Variants in SHANK2 observed in about 807,000 individuals in gnomAD.
SHANK2 encodes the protein SH3 and multiple ankyrin repeat domains 2.
SHANK2 carries 43 observed loss-of-function variants against 133.7 expected under a neutral mutation model. The observed-to-expected ratio is 0.32, with a 90% CI of 0.25 to 0.41. The LOEUF (loss-of-function observed/expected upper bound fraction) is 0.41, where lower values mean the gene tolerates loss of function less well. Among genes scored for constraint, SHANK2 ranks in the 10% least tolerant of loss-of-function variants. The pLI is 1.00. For missense variants in SHANK2, 1,994 were observed against 2,235.8 expected (o/e 0.89, Z 2.18); for synonymous variants, 1,017 against 952.8 (o/e 1.07, Z -1.24).
chr11:70,559,559 C>T (rs902646395), intron 17 of SHANK2, among the ~76,000 whole-genome samples: 6 of 152,186 alleles, frequency 3.9e-5, no homozygotes, highest in East Asian at 1.9e-4. Context: ...TCACACTGGG[C>T]GCTCCATAGC....
chr11:70,848,415 C>T (rs756728151), intron 11 of SHANK2, among the ~76,000 whole-genome samples: 5 of 152,166 alleles, frequency 3.3e-5, no homozygotes, highest in South Asian at 2.1e-4. Flanking sequence ...GTGAGCTCCA[C>T]GGGACCCTGG....
chr11:70,625,693 T>C (rs1554999686), intron 17 of SHANK2, among the ~76,000 whole-genome samples: 1 of 151,304 alleles, frequency 6.6e-6, no homozygotes, highest in African/African-American at 2.4e-5. Context: ...AGCCAGTCCC[T>C]GCACTCTCCT....
At chr11:71,231,608 C>T (rs1954743022) in intron 1 of SHANK2, among the ~76,000 whole-genome samples, 1 of 152,190 alleles carries the variant, frequency 6.6e-6, no homozygotes, top group South Asian at 2.1e-4. Flanking sequence ...TGTTTACGGG[C>T]CAGGTGCAGT....
intron 17 of SHANK2, among the ~76,000 whole-genome samples, chr11:70,599,714 C>T (rs113579865): frequency 0.031 from 4,630 of 147,056 alleles, 79 homozygotes; most frequent in African/African-American, 0.053. Flanking sequence ...ATTGTTTGAA[C>T]CTGGGAGGAA....
chr11:70,615,570 G>C (rs547472387), intron 17 of SHANK2, among the ~76,000 whole-genome samples: 1 of 152,306 alleles, frequency 6.6e-6, no homozygotes, highest in South Asian at 2.1e-4. Context: ...CAAGACTCCG[G>C]TCAGCTTTCC....
rs531648450 is a variant in SHANK2 at position 70,544,089 on chromosome 11, A to C, written c.2062-41158T>G. 2.6e-5 allele frequency among the ~76,000 whole-genome samples: 4 copies of C among 152,282 alleles called. No homozygotes were observed. The East Asian group carries it at 7.7e-4, about 29-fold the overall frequency. On this transcript the variant is annotated intron_variant, in intron 17 of 25. Transcript: ENST00000601538. ...TTAGCAGACACGTTCCCATTTCTTAAGGCAACTTTCCAGAAGTCAGGAAAC... is the reference window on the plus strand; with the variant it reads ...TTAGCAGACACGTTCCCATTTCTTACGGCAACTTTCCAGAAGTCAGGAAAC...
chr11:70,581,548 G>A lies in SHANK2; in HGVS notation c.2061+78280C>T, dbSNP rs183466765. On this transcript the variant is annotated intron_variant, in intron 17 of 25. Coordinates refer to ENST00000601538, the MANE Select transcript of SHANK2 (RefSeq NM_012309.5). Reference sequence around the variant, plus strand: ...TCTACTAAAAATACAAAAATTAACCGGGCGTGGTGGCACGTGCCTGTAATC... The same window carrying A: ...TCTACTAAAAATACAAAAATTAACCAGGCGTGGTGGCACGTGCCTGTAATC... Among the ~76,000 whole-genome samples the A allele has an allele frequency of 2.1e-4, 32 of 152,212 alleles. No individual in the cohort carries two copies. In the East Asian group the frequency reaches 5.0e-3, roughly 24 times the overall value.
chr11:71,241,866 A>C (rs1177688420), intron 1 of SHANK2, among the ~76,000 whole-genome samples: 6 of 152,234 alleles, frequency 3.9e-5, no homozygotes, highest in African/African-American at 1.4e-4. Flanking sequence ...TCTCAAGACC[A>C]GACGGGCCTG....
intron 11 of SHANK2, among the ~76,000 whole-genome samples, chr11:70,871,341 C>A (rs577073569): frequency 1.3e-5 from 2 of 152,302 alleles, no homozygotes; most frequent in South Asian, 4.1e-4. Flanking sequence ...TGCAAGCCAC[C>A]AGCCCCGAAG....
intron 11 of SHANK2, among the ~76,000 whole-genome samples, chr11:70,842,448 A>G: frequency 6.6e-6 from 1 of 152,200 alleles, no homozygotes; most frequent in Non-Finnish European, 1.5e-5. Context: ...CACCTTGGCC[A>G]GGCTGCATAA....
chr11:71,227,567 A>G (rs1450781553), intron 1 of SHANK2, among the ~76,000 whole-genome samples: 2 of 152,164 alleles, frequency 1.3e-5, no homozygotes, highest in Non-Finnish European at 2.9e-5. Context: ...ACATGAAGCA[A>G]AAATGGATAG....
chr11:70,513,554 C>T (rs1373078206), intron 17 of SHANK2, among the ~76,000 whole-genome samples: 2 of 152,182 alleles, frequency 1.3e-5, no homozygotes, highest in African/African-American at 4.8e-5. Flanking sequence ...GGATACAACT[C>T]AAACTTATTT....
chr11:70,900,346 C>T (rs1394621051), intron 10 of SHANK2, among the ~76,000 whole-genome samples: 8 of 150,346 alleles, frequency 5.3e-5, no homozygotes, highest in Admixed American at 2.6e-4. Flanking sequence ...CAGCGAGACT[C>T]GGTGTCAAAA....
At chr11:70,871,477 C>A (rs1364011921) in intron 11 of SHANK2, among the ~76,000 whole-genome samples, 1 of 152,234 alleles carries the variant, frequency 6.6e-6, no homozygotes, top group Non-Finnish European at 1.5e-5. Context: ...GGCACTGAGC[C>A]TCCTTCACGT....
chr11:71,157,273 G>A (rs1386328589), intron 2 of SHANK2, among the ~76,000 whole-genome samples: 1 of 152,132 alleles, frequency 6.6e-6, no homozygotes, highest in Non-Finnish European at 1.5e-5. Flanking sequence ...CAGAAAACAA[G>A]CTACTAATAA....
intron 11 of SHANK2, among the ~76,000 whole-genome samples, chr11:70,825,817 C>G (rs949459085): frequency 3.9e-5 from 6 of 151,978 alleles, no homozygotes; most frequent in African/African-American, 1.5e-4. Context: ...TGTTTTCTGT[C>G]TGAAAATGAT....
chr11:71,188,647 T>C lies in SHANK2; in HGVS notation c.-13+36050A>G, dbSNP rs1555114853. On this transcript the variant is annotated intron_variant, in intron 2 of 25. Transcript: ENST00000601538. The surrounding 1 kb of genome is among the most constrained non-coding windows in gnomAD (Gnocchi z 4.6). ...CTATAACCCAAAGTCAAGATGAAAC[T>C]GAGGTGTGGGCCCAAATGCACCGTG... Among the ~76,000 whole-genome samples, 15 of 152,204 alleles carry C rather than the reference T, an allele frequency of 9.9e-5. No homozygotes were observed.
intron 3 of SHANK2, among the ~76,000 whole-genome samples, chr11:71,139,448 C>T (rs1171999917): frequency 3.9e-5 from 6 of 152,110 alleles, no homozygotes; most frequent in African/African-American, 1.2e-4. Flanking sequence ...CACATGTATA[C>T]ATATGTAACT....
intron 2 of SHANK2, among the ~76,000 whole-genome samples, chr11:71,150,896 G>C (rs1422069600): frequency 6.6e-6 from 1 of 152,100 alleles, no homozygotes; most frequent in Non-Finnish European, 1.5e-5. Context: ...ATGAGAATGG[G>C]CTTTATAAGA....
Sources: gnomAD v4.1 joint callset for allele counts (sites outside exome capture counted in the v4.1 genomes callset) on GRCh38, gnomAD v4.1.1 for gene constraint, Gnocchi (gnomAD v3.1) non-coding constraint, MANE v1.5 for transcripts, NCBI Gene and HGNC (gene_info 2026-07-23, HGNC 2026-07-21) for gene names.